The following HDAC9 variants were observed in gnomAD, a reference collection of about 807,000 sequenced individuals.
HDAC9 encodes histone deacetylase 9.
Under a neutral mutation model 139.4 loss-of-function variants are expected in HDAC9, and 41 were observed. That is an observed-to-expected ratio of 0.29 (90% confidence interval 0.23 to 0.38). The LOEUF (loss-of-function observed/expected upper bound fraction) is 0.38. HDAC9 is among the 10% of genes least tolerant of loss of function. HDAC9 has a pLI of 1.00. For synonymous variants in HDAC9, 517 were observed against 476.2 expected (o/e 1.09, Z -1.12); for missense variants, 1,147 against 1,297.0 (o/e 0.88, Z 1.78).
chr7:18,975,980 C>G (rs1449348426), intron 25 of HDAC9, 27 bp downstream of exon 25: 11 of 1,607,760 alleles, frequency 6.8e-6, no homozygotes, highest in Admixed American at 1.7e-5. Flanking sequence ...CGGGAATAAT[C>G]CGGGTCAGTC....
intron 2 of HDAC9, among the ~76,000 whole-genome samples, chr7:18,168,886 T>TG (rs1402722427): frequency 9.2e-6 from 1 of 109,158 alleles, no homozygotes; most frequent in Non-Finnish European, 1.9e-5. Context: ...CTTGTTTTTT[T>TG]TTTTTTTTTT....
chr7:18,310,809 TACACACACACACACAC>T (rs71847714), intron 1 of HDAC9, among the ~76,000 whole-genome samples: 7 of 143,132 alleles, frequency 4.9e-5, no homozygotes, highest in South Asian at 2.3e-4. Flanking sequence ...ACAAATCCAT[TACACACACACACACAC>T]ACACACACAC....
chr7:18,835,362 T>G, intron 19 of HDAC9, 105 bp from the exon 20 acceptor site: 15 of 1,227,238 alleles, frequency 1.2e-5, no homozygotes, highest in Admixed American at 2.8e-5. Flanking sequence ...AGACAGAAAA[T>G]GAGAAAGAAA....
chr7:18,465,883 A>G (rs1794228686), intron 1 of HDAC9, among the ~76,000 whole-genome samples: 1 of 152,176 alleles, frequency 6.6e-6, no homozygotes, highest in South Asian at 2.1e-4. Context: ...TTTAGATGTT[A>G]TATTAATTTT....
chr7:18,449,180 A>G (rs760095416), intron 1 of HDAC9, among the ~76,000 whole-genome samples: 12 of 152,288 alleles, frequency 7.9e-5, no homozygotes, highest in Non-Finnish European at 1.6e-4. Flanking sequence ...ATGCACAAGA[A>G]TGTTTGTAGC....
At chr7:18,578,027 C>A in intron 2 of HDAC9, 1 of 431,872 alleles carries the variant, frequency 2.3e-6, no homozygotes. Flanking sequence ...ACCTCCATCT[C>A]TATCTCCATC....
At chr7:18,534,410 G>T (rs528703602) in intron 2 of HDAC9, among the ~76,000 whole-genome samples, 1 of 152,296 alleles carries the variant, frequency 6.6e-6, no homozygotes, top group South Asian at 2.1e-4. Context: ...AGCCAGGCAT[G>T]GCAGTGCATG....
At chr7:18,691,379 T>C (rs1297797165) in intron 12 of HDAC9, among the ~76,000 whole-genome samples, 1 of 152,070 alleles carries the variant, frequency 6.6e-6, no homozygotes, top group Non-Finnish European at 1.5e-5. Context: ...TGGGTCACTT[T>C]GTATTGCTCT....
intron 1 of HDAC9, among the ~76,000 whole-genome samples, chr7:18,487,880 A>G (rs139821515): frequency 2.4e-3 from 363 of 152,144 alleles, no homozygotes; most frequent in Admixed American, 4.5e-3. Context: ...GACTTTTGGT[A>G]TCTGCTACAA....
intron 2 of HDAC9, among the ~76,000 whole-genome samples, chr7:18,512,653 T>C (rs919559854): frequency 6.6e-6 from 1 of 152,314 alleles, no homozygotes; most frequent in Non-Finnish European, 1.5e-5. Context: ...AAGAAGTAAA[T>C]CTTATTTCCA....
intron 15 of HDAC9, among the ~76,000 whole-genome samples, chr7:18,764,290 C>A (rs1262033723): frequency 6.6e-6 from 1 of 151,976 alleles, no homozygotes; most frequent in Non-Finnish European, 1.5e-5. Flanking sequence ...AATAATATTC[C>A]TACAGTTGAT....
intron 1 of HDAC9, among the ~76,000 whole-genome samples, chr7:18,139,505 C>T (rs776160084): frequency 3.3e-5 from 5 of 152,156 alleles, no homozygotes; most frequent in East Asian, 1.9e-4. Flanking sequence ...ATACACACTA[C>T]GTTTGCTATT....
Position 18,999,115 on chromosome 7 carries a change from G to C in HDAC9, c.*3053G>C, listed in dbSNP as rs1786621886. 1 of 152,130 alleles carries C rather than the reference G, an allele frequency of 6.6e-6. No individual in the cohort carries two copies. Among genetic ancestry groups the C allele is most frequent in the Non-Finnish European group, 1.5e-5 (1 of 68,020 alleles). 9.4% of individuals were successfully genotyped at this position (152,130 alleles called of 1,614,324 possible). A position where few individuals can be genotyped will look rare whatever the true frequency, so the allele number is the denominator to read the frequency against. ...AGTGGAGACAGAAGTCAGCTTTGGAGAAAATAGAGATATTTATGAAAAAAC... is the reference window on the plus strand; with the variant it reads ...AGTGGAGACAGAAGTCAGCTTTGGACAAAATAGAGATATTTATGAAAAAAC... On this transcript the variant is annotated 3_prime_UTR_variant, in exon 26 of 26. Transcript: ENST00000686413.
At chr7:18,547,022 T>G (rs1483751248) in intron 2 of HDAC9, among the ~76,000 whole-genome samples, 1 of 152,112 alleles carries the variant, frequency 6.6e-6, no homozygotes, top group African/African-American at 2.4e-5. Flanking sequence ...CTATAAAAGT[T>G]ATGTTTACTC....
intron 2 of HDAC9, among the ~76,000 whole-genome samples, chr7:18,170,044 C>T (rs1382587699): frequency 6.6e-6 from 1 of 152,196 alleles, no homozygotes; most frequent in Non-Finnish European, 1.5e-5. Flanking sequence ...CACTGTCTTC[C>T]ACAATGGTTG....
intron 25 of HDAC9, among the ~76,000 whole-genome samples, chr7:18,976,294 G>T (rs545422777): frequency 6.6e-6 from 1 of 152,210 alleles, no homozygotes; most frequent in Non-Finnish European, 1.5e-5. Flanking sequence ...AGTTATCTCT[G>T]TTTTTCCAGA....
intron 24 of HDAC9, among the ~76,000 whole-genome samples, chr7:18,958,490 C>T (rs777680203): frequency 1.5e-4 from 23 of 151,948 alleles, no homozygotes; most frequent in Non-Finnish European, 2.5e-4. Flanking sequence ...GATGAGTGGG[C>T]AAAGAAAATG....
At chr7:18,630,677 A>G (rs1782071228) in intron 7 of HDAC9, among the ~76,000 whole-genome samples, 1 of 152,272 alleles carries the variant, frequency 6.6e-6, no homozygotes, top group African/African-American at 2.4e-5. Context: ...TAGAGTTTAT[A>G]TGTATTATCC....
At chr7:18,327,146 A>C (rs780085) in intron 1 of HDAC9, among the ~76,000 whole-genome samples, 71,021 of 151,478 alleles carry the variant, frequency 0.47, 17,041 homozygotes, top group African/African-American at 0.58. Flanking sequence ...TGGACTATTT[A>C]ATTTAGTAAG....
Sources: allele counts gnomAD v4.1 joint callset (sites outside exome capture counted in the v4.1 genomes callset), GRCh38; gene constraint gnomAD v4.1.1; transcripts MANE v1.5; gene names NCBI Gene and HGNC (gene_info 2026-07-23, HGNC 2026-07-21).